The following CEP164 variants were observed in gnomAD, a reference collection of about 807,000 sequenced individuals.
CEP164 encodes centrosomal protein of 164 kDa.
Under a neutral mutation model 182.7 loss-of-function variants are expected in CEP164, and 162 were observed. The observed-to-expected ratio is 0.89, with a 90% CI of 0.78 to 1.01. The LOEUF is 1.01. CEP164 is among the 50% of genes least tolerant of loss of function. The pLI, the probability that CEP164 is intolerant of heterozygous loss-of-function variation, is 0.00. For missense variants in CEP164, 1,735 were observed against 1,790.4 expected (o/e 0.97, Z 0.56); for synonymous variants, 661 against 690.0 (o/e 0.96, Z 0.66).
chr11:117,333,729 T>A (rs576082175), intron 1 of CEP164, among the ~76,000 whole-genome samples: 6 of 151,652 alleles, frequency 4.0e-5, no homozygotes, highest in African/African-American at 1.5e-4. Context: ...TAAGACAGGG[T>A]CGTCTTATGT....
In CEP164 at chr11:117,387,356, C is replaced by G. The variant is rs1416584658; in HGVS notation, c.1878C>G (p.Cys626Trp). Residue 626 changes from cysteine to tryptophan, a missense_variant, in exon 15 of 33, where the codon TGC becomes TGG. Physicochemically the swap from Cys to Trp is radical, Grantham distance 215. Transcript: ENST00000278935. ...EKMQQLREKLCQEEEEEILRL... is the reference protein window; with the variant it reads ...EKMQQLREKLWQEEEEEILRL... The stretch of plus-strand genomic sequence containing the variant: ...TGCAGCAACTGCGGGAGAAGCTGTG[C>G]CAAGAGGAGGAAGAGGAGATCCTCC... The G allele has an allele frequency of 6.2e-7, 1 of 1,614,146 alleles. No individual in the cohort carries two copies. The highest frequency in any genetic ancestry group is 8.5e-7 in the Non-Finnish European group (1 of 1,180,036).
In CEP164 at chr11:117,381,844, T is replaced by G; in HGVS notation, c.1553T>G (p.Leu518Arg). The change falls in exon 13 of 33, where the codon CTC (leucine) becomes CGC (arginine). Residue 518 changes from leucine (L) to arginine (R), a missense_variant. By Grantham distance (102) the Leu-to-Arg change is moderately radical (BLOSUM62 -2). Coordinates refer to ENST00000278935, the MANE Select transcript of CEP164 (RefSeq NM_014956.5). ...EELGEDSAAS[L>R]SLQLSLQREQ... ...CTTGGGGAGGACTCTGCAGCCAGCC[T>G]CAGCCTGCAGCTGTCCCTCCAGAGG... 6.6e-7 allele frequency: 1 copy of G among 1,523,978 alleles called. No individual in the cohort carries two copies. The highest frequency in any genetic ancestry group is 8.8e-7 in the Non-Finnish European group (1 of 1,134,636). 94.4% of individuals were successfully genotyped at this position (1,523,978 alleles called of 1,614,324 possible).
At chr11:117,408,642 C>A (rs1457865286) in intron 28 of CEP164, 1 of 507,020 alleles carries the variant, frequency 2.0e-6, no homozygotes, top group African/African-American at 1.9e-5. Context: ...AGTCTACTCA[C>A]CAAGTCCTCA....
At chr11:117,342,091 G>A (rs951505459) in intron 3 of CEP164, among the ~76,000 whole-genome samples, 2 of 151,978 alleles carry the variant, frequency 1.3e-5, no homozygotes, top group Admixed American at 6.6e-5. Flanking sequence ...TTAATTTTTT[G>A]TATATTTATC....
intron 4 of CEP164, among the ~76,000 whole-genome samples, chr11:117,346,376 A>G (rs1315535284): frequency 6.6e-6 from 1 of 151,698 alleles, no homozygotes; most frequent in African/African-American, 2.4e-5. Flanking sequence ...CCTCTGCCTC[A>G]GCCTCCTGAG....
chr11:117,328,364 A>G (rs565544381), intron 1 of CEP164, among the ~76,000 whole-genome samples: 10 of 152,348 alleles, frequency 6.6e-5, no homozygotes, highest in Admixed American at 4.6e-4. Flanking sequence ...ATCCGGGGCT[A>G]GCCCAATCTT....
At chr11:117,336,623 A>G (rs2134960845) in intron 2 of CEP164, 1 of 1,232,958 alleles carries the variant, frequency 8.1e-7, no homozygotes, top group South Asian at 1.2e-5. Context: ...TGGCATTGGG[A>G]TTCCACATGT....
At chr11:117,397,349 TG>T in intron 27 of CEP164, 36 bp downstream of exon 27, 2 of 1,584,196 alleles carry the variant, frequency 1.3e-6, no homozygotes, top group Non-Finnish European at 1.7e-6. Flanking sequence ...CAGCCCTGTG[TG>T]GGGGAGGCGG....
chr11:117,398,650 C>T (rs1207478866), intron 27 of CEP164, among the ~76,000 whole-genome samples: 7 of 152,266 alleles, frequency 4.6e-5, no homozygotes, highest in South Asian at 2.1e-4. Flanking sequence ...GCAGGCTCAA[C>T]ACCACATGGA....
intron 27 of CEP164, among the ~76,000 whole-genome samples, chr11:117,407,316 T>C (rs968331475): frequency 1.3e-5 from 2 of 151,544 alleles, no homozygotes; most frequent in Non-Finnish European, 2.9e-5. Flanking sequence ...AGAGTAATCA[T>C]AATTGGAGCA....
chr11:117,380,252 ATTTCTCTGC>A (rs1178627745), intron 11 of CEP164, among the ~76,000 whole-genome samples: 1 of 152,012 alleles, frequency 6.6e-6, no homozygotes, highest in African/African-American at 2.4e-5. Context: ...GTACTCATGG[ATTTCTCTGC>A]TTTCTCTGCA....
Position 117,361,971 on chromosome 11 carries a change from G to A in CEP164, c.530G>A (p.Arg177His), listed in dbSNP as rs199701600. The change falls in exon 6 of 33, where the codon CGT becomes CAT. Residue 177 changes from arginine (R) to histidine (H), a missense_variant. Transcript: ENST00000278935. Reference sequence around the variant, plus strand: ...CTGGGGAGCTCAGTGGAGTCTGGACGTCAGCTTGGAGAACTCATGCTGGTA... The same window carrying A: ...CTGGGGAGCTCAGTGGAGTCTGGACATCAGCTTGGAGAACTCATGCTGGTA... ...VSLGSSVESG[R>H]QLGELMLPSQ... 10 of 1,583,884 alleles carry A rather than the reference G, an allele frequency of 6.3e-6. No homozygotes were observed. Among genetic ancestry groups the A allele is most frequent in the South Asian group, 2.3e-5 (2 of 85,766 alleles).
Position 117,351,894 on chromosome 11 carries a change from G to A in CEP164, c.299G>A (p.Arg100Gln), listed in dbSNP as rs779897265. 15 of 1,613,382 alleles carry A rather than the reference G, an allele frequency of 9.3e-6. No homozygotes were observed. Among genetic ancestry groups the A allele is most frequent in the East Asian group, 6.7e-5 (3 of 44,858 alleles). Residue 100 changes from arginine to glutamine, a missense_variant, in exon 5 of 33, where the codon CGG becomes CAG. Coordinates refer to ENST00000278935, the MANE Select transcript of CEP164 (RefSeq NM_014956.5). ...EHYRSLVIQERAKLSTSGAIK... is the reference protein window; with the variant it reads ...EHYRSLVIQEQAKLSTSGAIK... ...TATCGGAGCTTGGTGATCCAAGAGC[G>A]GGCAAAGCTGTCAACTTCTGGGGCC...
chr11:117,380,716 T>A lies in CEP164; in HGVS notation c.1409+11T>A. The A allele has an allele frequency of 1.3e-6, 2 of 1,593,302 alleles. No individual in the cohort carries two copies. Among genetic ancestry groups the A allele is most frequent in the Non-Finnish European group, 1.7e-6 (2 of 1,170,074 alleles). ...AGGCCTGGAGGAGAGGTACCATAGGTGGGAGGCTATCCCCAGCGCTGTGCC... is the reference window on the plus strand; with the variant it reads ...AGGCCTGGAGGAGAGGTACCATAGGAGGGAGGCTATCCCCAGCGCTGTGCC... On this transcript the variant is annotated intron_variant, in intron 12 of 32. Coordinates refer to ENST00000278935, the MANE Select transcript of CEP164 (RefSeq NM_014956.5).
At chr11:117,382,736 A>G (rs2136162901) in intron 13 of CEP164, 60 bp from the exon 14 acceptor site, 1 of 1,573,244 alleles carries the variant, frequency 6.4e-7, no homozygotes, top group Non-Finnish European at 8.6e-7. Context: ...AATGGCGTAC[A>G]TCTTAAGCCT....
chr11:117,408,817 TC>T, intron 28 of CEP164, 72 bp from the exon 29 acceptor site: 1 of 1,591,844 alleles, frequency 6.3e-7, no homozygotes. Context: ...CCCAGCCACT[TC>T]CTAGGAAGGA....
chr11:117,334,855 A>G, intron 1 of CEP164, among the ~76,000 whole-genome samples: 1 of 151,386 alleles, frequency 6.6e-6, no homozygotes, highest in Middle Eastern at 3.2e-3. Context: ...TGCCATGTGG[A>G]CAGAGACTAC....
chr11:117,380,806 T>G, intron 12 of CEP164, 101 bp downstream of exon 12: 26 of 970,512 alleles, frequency 2.7e-5, no homozygotes, highest in Non-Finnish European at 3.7e-5. Context: ...CAGTGTACAG[T>G]TGCTTGGCAG....
rs1404089077 is a variant in CEP164, at chr11:117,338,569, T to A, written c.-18T>A. The A allele has an allele frequency of 3.1e-6, 5 of 1,609,450 alleles. No homozygotes were observed. The highest frequency in any genetic ancestry group is 2.6e-6 in the Non-Finnish European group (3 of 1,175,910). Reference sequence around the variant, plus strand: ...GGTGGGGGCCTCTGGGATCTAGGTGTTTGAGCCCAGATGAGTCATGGCTGG... The same window carrying A: ...GGTGGGGGCCTCTGGGATCTAGGTGATTGAGCCCAGATGAGTCATGGCTGG... On this transcript the variant is annotated 5_prime_UTR_variant, in exon 3 of 33. Coordinates refer to ENST00000278935, the MANE Select transcript of CEP164 (RefSeq NM_014956.5).
Sources: gnomAD v4.1 joint callset for allele counts (sites outside exome capture counted in the v4.1 genomes callset) on GRCh38, gnomAD v4.1.1 for gene constraint, MANE v1.5 for transcripts, NCBI Gene and HGNC (gene_info 2026-07-23, HGNC 2026-07-21) for gene names.